The following DOCK11 variants were observed in gnomAD, a reference collection of about 807,000 sequenced individuals.
DOCK11 encodes dedicator of cytokinesis 11.
DOCK11 carries 70 observed loss-of-function variants against 169.1 expected under a neutral mutation model. That is an observed-to-expected ratio of 0.41 (90% CI 0.34 to 0.51). DOCK11 has a LOEUF of 0.51. DOCK11 is among the 20% of genes least tolerant of loss of function. DOCK11 has a pLI of 0.10. For synonymous variants in DOCK11, 529 were observed against 541.3 expected (o/e 0.98, Z 0.32); for missense variants, 1,166 against 1,538.8 (o/e 0.76, Z 4.05).
chrX:118,559,571 T>A (rs2012834930), intron 6 of DOCK11, among the ~76,000 whole-genome samples: 1 of 110,954 alleles, frequency 9.0e-6, no homozygotes, highest in Admixed American at 9.7e-5. Context: ...TCTATTCCCA[T>A]CATTTTAATG....
In DOCK11 at chrX:118,554,143, C is replaced by T. The variant is rs554913999; in HGVS notation, c.559-7240C>T. On this transcript the variant is annotated intron_variant, in intron 6 of 52. Transcript: ENST00000276202. Reference sequence around the variant, plus strand: ...TCAGGCTCCCAAGTACCTGAGACTACAGGTGCATCCCACCACGCCTGGCTA... The same window carrying T: ...TCAGGCTCCCAAGTACCTGAGACTATAGGTGCATCCCACCACGCCTGGCTA... Among the ~76,000 whole-genome samples the T allele has an allele frequency of 2.3e-4, 26 of 111,854 alleles. No individual in the cohort carries two copies. The South Asian group carries it at 9.0e-3, about 39-fold the overall frequency.
rs766463488 is a variant in DOCK11 at position 118,547,757 on chromosome X, G to A, written c.558+1641G>A. 4.4e-4 allele frequency among the ~76,000 whole-genome samples: 49 copies of A among 112,459 alleles called. 1 individual carries two copies. Among genetic ancestry groups the A allele is most frequent in the African/African-American group, 1.2e-3 (38 of 31,040 alleles). Reference sequence around the variant, plus strand: ...GCTCACTAGCTGAATGAGACTCAAGGGTTTATTAACAATATATTTCGTGCC... The same window carrying A: ...GCTCACTAGCTGAATGAGACTCAAGAGTTTATTAACAATATATTTCGTGCC... On this transcript the variant is annotated intron_variant, in intron 6 of 52. Coordinates refer to ENST00000276202, the MANE Select transcript of DOCK11 (RefSeq NM_144658.4).
In DOCK11 at chrX:118,566,128, A is replaced by T. The variant is rs1411610819; in HGVS notation, c.817A>T (p.Ile273Phe). 8.3e-7 allele frequency: 1 copy of T among 1,208,703 alleles called. No individual in the cohort carries two copies. The highest frequency in any genetic ancestry group is 1.1e-6 in the Non-Finnish European group (1 of 894,661). The change falls in exon 8 of 53, where the codon ATC becomes TTC. Residue 273 changes from isoleucine (I) to phenylalanine (F), a missense_variant. Transcript: ENST00000276202. ...GATAACTTTGAAAAAGATTATTCAG[A>T]TCAACACCGACAGTTTAGTTCAAGA... ...WLITLKKIIQ[I>F]NTDSLVQEKK...
rs192648518 is a variant in DOCK11, at chrX:118,548,684, A to G, written c.558+2568A>G. On this transcript the variant is annotated intron_variant, in intron 6 of 52. Coordinates refer to ENST00000276202, the MANE Select transcript of DOCK11 (RefSeq NM_144658.4). ...GAAGCCGGAAAAGGTAAGAAAATGGATTCTCCCATGCAGCATCCAGAAAGG... is the reference window on the plus strand; with the variant it reads ...GAAGCCGGAAAAGGTAAGAAAATGGGTTCTCCCATGCAGCATCCAGAAAGG... Among the ~76,000 whole-genome samples the G allele has an allele frequency of 5.2e-3, 578 of 111,627 alleles. 2 individuals carry two copies. Among genetic ancestry groups the G allele is most frequent in the Admixed American group, 0.011 (115 of 10,478 alleles).
At chrX:118,596,974 A>G (rs991756045) in intron 20 of DOCK11, among the ~76,000 whole-genome samples, 4 of 111,990 alleles carry the variant, frequency 3.6e-5, no homozygotes, top group Non-Finnish European at 7.5e-5. Flanking sequence ...ATTTTGGAAC[A>G]TGTGATTGTT....
intron 1 of DOCK11, among the ~76,000 whole-genome samples, chrX:118,504,803 C>G (rs1340587819): frequency 8.9e-6 from 1 of 111,748 alleles, no homozygotes; most frequent in Non-Finnish European, 1.9e-5. Flanking sequence ...ACCCTGGACG[C>G]TCCCAGAGCA....
chrX:118,572,324 G>A lies in DOCK11; in HGVS notation c.1037G>A (p.Arg346Lys), dbSNP rs772120548. The change falls in exon 11 of 53, where the codon AGG becomes AAG. Residue 346 changes from arginine to lysine, a missense_variant and splice_region_variant. By Grantham distance (26) the Arg-to-Lys change is conservative. Transcript: ENST00000276202. ...TGATTCATACTATCTCTTTTATAGA[G>A]GTTGGACTTTTCAGGAATTGAACCT... The part of the protein sequence containing the change: ...NLFSFDSEVQ[R>K]LDFSGIEPDI... The A allele has an allele frequency of 9.3e-6, 11 of 1,184,279 alleles. No individual in the cohort carries two copies. In the East Asian group the frequency reaches 1.5e-4, roughly 16 times the overall value.
At chrX:118,557,640 C>T (rs62609952) in intron 6 of DOCK11, among the ~76,000 whole-genome samples, 45,809 of 104,867 alleles carry the variant, frequency 0.44, 7,608 homozygotes, top group East Asian at 0.66. Flanking sequence ...GGCGGGCGCC[C>T]GTAGTCCCAG....
At position 118,618,533 on chromosome X, in the gene DOCK11, A is replaced by C; in HGVS notation, c.3293-17A>C. The stretch of plus-strand genomic sequence containing the variant: ...GAATATTTTCATAAATGGGTTTTAA[A>C]TTTCATTGTACTGCAGATTCAAATC... On this transcript the variant is annotated splice_polypyrimidine_tract_variant and intron_variant, in intron 30 of 52. Transcript: ENST00000276202. 8.7e-7 allele frequency: 1 copy of C among 1,149,314 alleles called. No homozygotes were observed. Among genetic ancestry groups the C allele is most frequent in the Non-Finnish European group, 1.2e-6 (1 of 861,083 alleles). 94.7% of individuals were successfully genotyped at this position (1,149,314 alleles called of 1,213,427 possible). A position where few individuals can be genotyped will look rare whatever the true frequency, so the allele number is the denominator to read the frequency against.
At chrX:118,610,520 T>A in intron 28 of DOCK11, 102 bp downstream of exon 28, 1 of 964,008 alleles carries the variant, frequency 1.0e-6, no homozygotes. Flanking sequence ...TAGGTCTTCA[T>A]AAGACTGTTG....
chrX:118,680,215 C>A (rs2016710746), intron 48 of DOCK11, among the ~76,000 whole-genome samples: 1 of 110,456 alleles, frequency 9.1e-6, no homozygotes, highest in Admixed American at 9.7e-5. Flanking sequence ...GCATGAGCCA[C>A]CGTGCCTGGC....
intron 40 of DOCK11, among the ~76,000 whole-genome samples, chrX:118,647,137 ATATGTGTGTG>A (rs1178607706): frequency 8.7e-5 from 6 of 68,791 alleles, no homozygotes; most frequent in Non-Finnish European, 1.6e-4. Flanking sequence ...TGTGAAGAGG[ATATGTGTGTG>A]TGTGTGTGTG....
At chrX:118,534,379 CTTGT>C (rs1488216365) in intron 1 of DOCK11, among the ~76,000 whole-genome samples, 1 of 111,819 alleles carries the variant, frequency 8.9e-6, no homozygotes, top group Non-Finnish European at 1.9e-5. Context: ...AGTGCATAGT[CTTGT>C]TTGTTTCTTA....
intron 1 of DOCK11, among the ~76,000 whole-genome samples, chrX:118,532,538 T>A (rs1448215759): frequency 4.6e-5 from 5 of 108,774 alleles, no homozygotes; most frequent in African/African-American, 1.7e-4. Flanking sequence ...CCCAGCACTT[T>A]GGGAGGCCGA....
At chrX:118,544,644 G>GTTTTTTTTTTTT (rs1439441148) in intron 4 of DOCK11, among the ~76,000 whole-genome samples, 1 of 45,709 alleles carries the variant, frequency 2.2e-5, no homozygotes, top group South Asian at 1.4e-3. Context: ...TTACACTGTT[G>GTTTTTTTTTTTT]CTTTTTTTTT....
intron 14 of DOCK11, among the ~76,000 whole-genome samples, chrX:118,581,871 C>G (rs2013654031): frequency 9.6e-6 from 1 of 104,133 alleles, no homozygotes; most frequent in Non-Finnish European, 2.0e-5. Flanking sequence ...GTGGCTCACG[C>G]CTGTAATCCC....
At chrX:118,662,351 T>C (rs932427013) in intron 44 of DOCK11, among the ~76,000 whole-genome samples, 6 of 112,204 alleles carry the variant, frequency 5.3e-5, no homozygotes, top group Non-Finnish European at 3.8e-5. Flanking sequence ...CTTGTTTAGA[T>C]GATAGAACAC....
chrX:118,579,662 C>T (rs1343287865), intron 13 of DOCK11, among the ~76,000 whole-genome samples: 1 of 112,032 alleles, frequency 8.9e-6, no homozygotes, highest in Non-Finnish European at 1.9e-5. Flanking sequence ...GCAGCTCCTG[C>T]CCACACTTAG....
Position 118,685,720 on chromosome X carries a change from G to A in DOCK11, c.6135G>A (p.Trp2045Ter). ...AAGAAGACACAATGCATTCTCCCTG[G>A]ATGAGCAACACATTACATGTATTTT... ...ILQEDTMHSP[W>*]MSNTLHVFCA... is the part of the protein sequence containing the mutation. Residue 2045 changes from tryptophan to a stop codon, truncating the protein, a stop_gained, in exon 53 of 53, where the codon TGG becomes TGA. Transcript: ENST00000276202. LOFTEE classifies it high-confidence loss of function. 8.3e-7 allele frequency: 1 copy of A among 1,210,096 alleles called. No individual in the cohort carries two copies. The highest frequency in any genetic ancestry group is 1.8e-5 in the South Asian group (1 of 56,791).
Sources: allele counts gnomAD v4.1 joint callset (sites outside exome capture counted in the v4.1 genomes callset), GRCh38; gene constraint gnomAD v4.1.1; transcripts MANE v1.5; gene names NCBI Gene and HGNC (gene_info 2026-07-23, HGNC 2026-07-21).